The following PTAFR variants were observed in gnomAD, a reference collection of about 807,000 sequenced individuals.
The protein encoded by PTAFR is platelet-activating factor receptor.
Under a neutral mutation model 14.7 loss-of-function variants are expected in PTAFR, and 8 were observed. That is an observed-to-expected ratio of 0.54 (90% CI 0.32 to 0.98). The LOEUF is 0.98. Among genes scored for constraint, PTAFR ranks in the 50% least tolerant of loss-of-function variants. The probability of loss-of-function intolerance (pLI) is 0.04; values close to 1 mark genes in which losing one functional copy is unlikely to be tolerated. For missense variants in PTAFR, 337 were observed against 451.2 expected, an observed-to-expected ratio of 0.75 and a Z score of 2.29; for synonymous variants, 156 against 176.5, an observed-to-expected ratio of 0.88 and a Z score of 0.92.
chr1:28,168,644 T>G (rs577200040), intron 1 of PTAFR, among the ~76,000 whole-genome samples: 57 of 152,234 alleles, frequency 3.7e-4, no homozygotes, highest in African/African-American at 1.3e-3. Context: ...ATGTAGAGTT[T>G]CAGTCATGCA....
rs1190531918 is a variant in PTAFR, at chr1:28,150,315, G to A, written c.707C>T (p.Thr236Met). Reference sequence around the variant, plus strand: ...GCAGATGATGAACACCGCCAAGACCGTGCACACCATCCACAGCGCCCGGCG... The same window carrying A: ...GCAGATGATGAACACCGCCAAGACCATGCACACCATCCACAGCGCCCGGCG... ...VKRRALWMVC[T>M]VLAVFIICFV... is the part of the protein sequence containing the mutation. Residue 236 changes from threonine to methionine, a missense_variant, in exon 2 of 2, where the codon ACG (threonine) becomes ATG (methionine). Thr to Met is a moderately conservative substitution (Grantham distance 81). Transcript: ENST00000373857. The surrounding 1 kb of genome is among the most constrained non-coding windows in gnomAD (Gnocchi z 6.3). The A allele has an allele frequency of 1.1e-5, 17 of 1,613,588 alleles. No individual in the cohort carries two copies. Among genetic ancestry groups the A allele is most frequent in the South Asian group, 6.6e-5 (6 of 91,038 alleles).
At position 28,150,110 on chromosome 1, in the gene PTAFR, G is replaced by A. The variant is rs1231660765; in HGVS notation, c.912C>T (p.Leu304=). ...CFLTKKFRKH[L]TEKFYSMRSS... is the part of the protein sequence containing the mutation. ...TGCGCATGCTGTAGAACTTTTCGGTGAGGTGCTTGCGGAACTTCTTGGTGA... is the reference window on the plus strand; with the variant it reads ...TGCGCATGCTGTAGAACTTTTCGGTAAGGTGCTTGCGGAACTTCTTGGTGA... Residue 304 remains leucine, a synonymous_variant, in exon 2 of 2, where the codon CTC becomes CTT. Transcript: ENST00000373857. This position sits in a 1 kb window ranked among gnomAD's most constrained non-coding sequence, Gnocchi z 6.3. The A allele has an allele frequency of 1.9e-6, 3 of 1,614,208 alleles. No homozygotes were observed. The South Asian group carries it at 3.3e-5, about 18-fold the overall frequency.
chr1:28,172,928 G>A (rs1356264335), intron 1 of PTAFR, among the ~76,000 whole-genome samples: 1 of 151,974 alleles, frequency 6.6e-6, no homozygotes, highest in Non-Finnish European at 1.5e-5. Context: ...ACAGTTTTGG[G>A]TAAACAGTAA....
At chr1:28,179,523 T>C (rs1296285676), upstream of PTAFR, among the ~76,000 whole-genome samples, 3 of 152,168 alleles carry the variant, frequency 2.0e-5, no homozygotes, top group Non-Finnish European at 4.4e-5. Context: ...CTTGAAAATA[T>C]GTCCAGATTT....
At chr1:28,191,586 AAGAGAGAGAG>A (rs35747744) in intron 1 of PTAFR, among the ~76,000 whole-genome samples, 61 of 145,570 alleles carry the variant, frequency 4.2e-4, no homozygotes, top group Non-Finnish European at 6.3e-4. Context: ...GAAAAAAGAA[AAGAGAGAGAG>A]AGAGAGAGAG....
intron 1 of PTAFR, among the ~76,000 whole-genome samples, chr1:28,158,585 C>T (rs181913585): frequency 1.3e-5 from 2 of 152,210 alleles, no homozygotes; most frequent in Admixed American, 1.3e-4. Flanking sequence ...GTAATTCCAG[C>T]TACTTGGGAG....
chr1:28,154,630 G>A (rs898442482), intron 1 of PTAFR, among the ~76,000 whole-genome samples: 10 of 151,904 alleles, frequency 6.6e-5, no homozygotes, highest in South Asian at 2.1e-4. Flanking sequence ...TGGGCAACAC[G>A]GTGAAACCCC....
At chr1:28,171,214 A>T (rs555017043) in intron 1 of PTAFR, among the ~76,000 whole-genome samples, 1 of 149,506 alleles carries the variant, frequency 6.7e-6, no homozygotes, top group Non-Finnish European at 1.5e-5. Context: ...TCCCAGCTAC[A>T]TGGGAGGCTG....
chr1:28,172,378 C>T (rs1646462199), intron 1 of PTAFR, among the ~76,000 whole-genome samples: 1 of 152,166 alleles, frequency 6.6e-6, no homozygotes, highest in South Asian at 2.1e-4. Context: ...CTGAGTCCTG[C>T]TGGTGTCCTC....
chr1:28,181,563 G>T (rs528861588), upstream of PTAFR, among the ~76,000 whole-genome samples: 1 of 151,960 alleles, frequency 6.6e-6, no homozygotes, highest in African/African-American at 2.4e-5. Context: ...CCTCAACATG[G>T]AGAAACCCCG....
intron 1 of PTAFR, among the ~76,000 whole-genome samples, chr1:28,191,306 G>A (rs557587413): frequency 1.7e-4 from 26 of 152,384 alleles, no homozygotes; most frequent in African/African-American, 5.0e-4. Context: ...AGAAGCCCTA[G>A]ATGAGGCCGC....
At chr1:28,182,976 C>T (rs888344314) in intron 1 of PTAFR, among the ~76,000 whole-genome samples, 8 of 152,008 alleles carry the variant, frequency 5.3e-5, no homozygotes, top group African/African-American at 1.4e-4. Context: ...CCACCAGGCC[C>T]GGTGGTTTTC....
chr1:28,158,818 T>A (rs1214910107), intron 1 of PTAFR, among the ~76,000 whole-genome samples: 2 of 152,188 alleles, frequency 1.3e-5, no homozygotes, highest in African/African-American at 4.8e-5. Context: ...GGGACAAGAC[T>A]GGGTCTGGAT....
At chr1:28,172,744 C>T (rs776788946) in intron 1 of PTAFR, among the ~76,000 whole-genome samples, 1 of 152,176 alleles carries the variant, frequency 6.6e-6, no homozygotes, top group Non-Finnish European at 1.5e-5. Flanking sequence ...GCATAGGAAC[C>T]GAAACCAGGA....
At chr1:28,171,478 C>T (rs1646454038) in intron 1 of PTAFR, among the ~76,000 whole-genome samples, 1 of 152,110 alleles carries the variant, frequency 6.6e-6, no homozygotes, top group African/African-American at 2.4e-5. Flanking sequence ...CTGGCCGTGC[C>T]GACCACACCC....
rs59239826 is a variant in PTAFR at position 28,191,768 on chromosome 1, TA to T, written c.-39+1953del. Among the ~76,000 whole-genome samples the T allele has an allele frequency of 6.1e-3, 883 of 145,868 alleles. 11 individuals are homozygous for T. The highest frequency in any genetic ancestry group is 0.02 in the African/African-American group (817 of 39,858). On this transcript the variant is annotated intron_variant, in intron 1 of 1. Transcript: ENST00000305392. ...ACTCTCTCTCTTTTTTTTTTTTAAT[TA>T]AAAAAAAAAGAGGCCAGGTGTGGTA...
chr1:28,158,787 T>G (rs531482083), intron 1 of PTAFR, among the ~76,000 whole-genome samples: 1 of 152,188 alleles, frequency 6.6e-6, no homozygotes, highest in East Asian at 1.9e-4. Context: ...TGGGAGTTAT[T>G]GAAGGATCTT....
intron 1 of PTAFR, among the ~76,000 whole-genome samples, chr1:28,183,163 G>A (rs1322010198): frequency 6.6e-6 from 1 of 152,084 alleles, no homozygotes; most frequent in Non-Finnish European, 1.5e-5. Flanking sequence ...ATTTTCCTGT[G>A]ATAGCATCTT....
chr1:28,163,927 T>G (rs2148997709), intron 1 of PTAFR, among the ~76,000 whole-genome samples: 1 of 152,326 alleles, frequency 6.6e-6, no homozygotes, highest in South Asian at 2.1e-4. Flanking sequence ...AGTTCCCTGA[T>G]GGATCGAGGC....
Sources: gnomAD v4.1 joint callset for allele counts (sites outside exome capture counted in the v4.1 genomes callset) on GRCh38, gnomAD v4.1.1 for gene constraint, Gnocchi (gnomAD v3.1) non-coding constraint, MANE v1.5 for transcripts, NCBI Gene and HGNC (gene_info 2026-07-23, HGNC 2026-07-21) for gene names.